PPP1R1C: variants seen among roughly 807,000 people sequenced by gnomAD.
PPP1R1C encodes the protein protein phosphatase 1 regulatory inhibitor subunit 1C, also known as protein phosphatase 1 regulatory subunit 1C.
PPP1R1C carries 15 observed loss-of-function variants against 17.4 expected under a neutral mutation model. The ratio of observed to expected loss-of-function variants is 0.86; its 90% CI spans 0.58 to 1.33. The LOEUF (loss-of-function observed/expected upper bound fraction) is 1.33, where lower values mean the gene tolerates loss of function less well. PPP1R1C is among the 40% of genes most tolerant of loss of function. PPP1R1C has a pLI of 0.00. For missense variants in PPP1R1C, 143 were observed against 130.0 expected, an observed-to-expected ratio of 1.10 and a Z score of -0.48; for synonymous variants, 35 against 43.1, an observed-to-expected ratio of 0.81 and a Z score of 0.73.
intron 2 of PPP1R1C, among the ~76,000 whole-genome samples, chr2:181,988,800 T>C (rs1487328113): frequency 6.6e-6 from 1 of 152,142 alleles, no homozygotes; most frequent in African/African-American, 2.4e-5. Context: ...TAGAGAAACA[T>C]ATAAAAAGAA....
At chr2:182,023,208 AC>A (rs1686483878) in intron 2 of PPP1R1C, among the ~76,000 whole-genome samples, 1 of 152,230 alleles carries the variant, frequency 6.6e-6, no homozygotes, top group South Asian at 2.1e-4. Flanking sequence ...CTGAGTAACA[AC>A]ATGACTCTCA....
intron 1 of PPP1R1C, among the ~76,000 whole-genome samples, chr2:181,963,694 A>G (rs1433730287): frequency 6.6e-6 from 1 of 152,160 alleles, no homozygotes; most frequent in African/African-American, 2.4e-5. Context: ...AGAGAAAAAA[A>G]CCCAGATTGC....
upstream of PPP1R1C, among the ~76,000 whole-genome samples, chr2:181,983,094 C>T (rs1048518818): frequency 1.3e-5 from 2 of 151,860 alleles, no homozygotes; most frequent in African/African-American, 2.4e-5. Flanking sequence ...ATTCATATAC[C>T]ACGTCATCTT....
intron 2 of PPP1R1C, among the ~76,000 whole-genome samples, chr2:181,993,383 A>G (rs1433549829): frequency 2.0e-5 from 3 of 152,128 alleles, no homozygotes; most frequent in Non-Finnish European, 4.4e-5. Flanking sequence ...TGAGTAAGAC[A>G]TTATCAGGCC....
At chr2:182,086,725 G>A (rs1219997426) in intron 4 of PPP1R1C, among the ~76,000 whole-genome samples, 1 of 151,896 alleles carries the variant, frequency 6.6e-6, no homozygotes, top group Non-Finnish European at 1.5e-5. Flanking sequence ...AAACTATAAG[G>A]CTCTATATAT....
At chr2:181,998,403 T>C (rs1289284460) in intron 2 of PPP1R1C, among the ~76,000 whole-genome samples, 1 of 152,236 alleles carries the variant, frequency 6.6e-6, no homozygotes, top group African/African-American at 2.4e-5. Flanking sequence ...TATCCTGTGA[T>C]TTATCTGCCC....
At chr2:181,970,127 C>CT (rs1684978016) in intron 1 of PPP1R1C, among the ~76,000 whole-genome samples, 1 of 150,028 alleles carries the variant, frequency 6.7e-6, no homozygotes, top group Non-Finnish European at 1.5e-5. Context: ...TGTCTTGTGC[C>CT]TTATTTAGTT....
chr2:182,015,227 G>A (rs1472181523), intron 2 of PPP1R1C, among the ~76,000 whole-genome samples: 1 of 152,042 alleles, frequency 6.6e-6, no homozygotes, highest in Non-Finnish European at 1.5e-5. Context: ...TGAATCATGG[G>A]GGCAGTTTAC....
At chr2:182,009,541 G>A (rs991418525) in intron 2 of PPP1R1C, among the ~76,000 whole-genome samples, 1 of 152,006 alleles carries the variant, frequency 6.6e-6, no homozygotes, top group African/African-American at 2.4e-5. Context: ...TTTGTCATAT[G>A]AGTAGTTTTG....
intron 2 of PPP1R1C, among the ~76,000 whole-genome samples, chr2:181,999,909 A>G (rs1685712710): frequency 6.6e-6 from 1 of 152,136 alleles, no homozygotes; most frequent in Non-Finnish European, 1.5e-5. Context: ...AGAAATCATT[A>G]TCTTGACTTA....
At chr2:182,053,459 G>A (rs1330692537) in intron 2 of PPP1R1C, among the ~76,000 whole-genome samples, 1 of 152,020 alleles carries the variant, frequency 6.6e-6, no homozygotes, top group African/African-American at 2.4e-5. Context: ...ACAACTTAGT[G>A]GGTAGAAAAA....
At chr2:182,091,549 T>G (rs1688782422) in intron 4 of PPP1R1C, among the ~76,000 whole-genome samples, 1 of 152,118 alleles carries the variant, frequency 6.6e-6, no homozygotes, top group Admixed American at 6.5e-5. Context: ...TTTTTTTATT[T>G]GCTTGCTTAT....
At chr2:182,121,150 T>C (rs1689723663), downstream of PPP1R1C, among the ~76,000 whole-genome samples, 1 of 152,186 alleles carries the variant, frequency 6.6e-6, no homozygotes, top group South Asian at 2.1e-4. Context: ...GAAACTATAT[T>C]TCCCAGACCA....
chr2:182,056,807 T>C (rs777740524), intron 2 of PPP1R1C, among the ~76,000 whole-genome samples: 55 of 152,318 alleles, frequency 3.6e-4, no homozygotes, highest in Middle Eastern at 3.4e-3. Flanking sequence ...CATATTGTAC[T>C]TGAAATAGAT....
At chr2:182,043,401 A>G (rs1016121148) in intron 2 of PPP1R1C, among the ~76,000 whole-genome samples, 19 of 152,242 alleles carry the variant, frequency 1.2e-4, no homozygotes, top group Admixed American at 1.3e-4. Context: ...GCAAAATAAC[A>G]AGCAAAAGGA....
intron 2 of PPP1R1C, among the ~76,000 whole-genome samples, chr2:182,001,363 A>G (rs1685763323): frequency 6.6e-6 from 1 of 150,536 alleles, no homozygotes; most frequent in Non-Finnish European, 1.5e-5. Context: ...TTGTTTAATG[A>G]CCAATTTTAT....
intron 2 of PPP1R1C, among the ~76,000 whole-genome samples, chr2:182,047,483 A>G (rs1247944256): frequency 6.6e-6 from 1 of 152,182 alleles, no homozygotes; most frequent in Non-Finnish European, 1.5e-5. Context: ...CACTTTTTTA[A>G]AAAACTAGAA....
At chr2:181,988,371 T>C (rs1332729428) in intron 2 of PPP1R1C, among the ~76,000 whole-genome samples, 4 of 152,356 alleles carry the variant, frequency 2.6e-5, no homozygotes, top group Admixed American at 1.3e-4. Flanking sequence ...AATAATGCAA[T>C]TGACAAGTAA....
chr2:181,990,598 G>A (rs1209509125), intron 2 of PPP1R1C, among the ~76,000 whole-genome samples: 2 of 152,128 alleles, frequency 1.3e-5, no homozygotes, highest in African/African-American at 4.8e-5. Flanking sequence ...ATGTGTTCGG[G>A]AATACAATAT....
Sources: allele counts gnomAD v4.1 joint callset (sites outside exome capture counted in the v4.1 genomes callset), GRCh38; gene constraint gnomAD v4.1.1; transcripts MANE v1.5; gene names NCBI Gene and HGNC (gene_info 2026-07-23, HGNC 2026-07-21).